Variants in AFF2 observed in about 807,000 individuals in gnomAD.
AFF2 encodes ALF transcription elongation factor 2.
In AFF2, 14 loss-of-function variants were observed where a neutral mutation model predicts 76.9. The ratio of observed to expected loss-of-function variants is 0.18; its 90% CI spans 0.12 to 0.28. The LOEUF (loss-of-function observed/expected upper bound fraction) is 0.28, where lower values mean the gene tolerates loss of function less well. Among genes scored for constraint, AFF2 ranks in the 10% least tolerant of loss-of-function variants. AFF2 has a pLI of 1.00. For missense variants in AFF2, 868 were observed against 1,001.1 expected (o/e 0.87, Z 1.79); for synonymous variants, 398 against 366.7 (o/e 1.09, Z -0.98).
intron 1 of AFF2, among the ~76,000 whole-genome samples, chrX:148,605,932 G>A (rs910290452): frequency 7.1e-5 from 8 of 112,007 alleles, no homozygotes; most frequent in Admixed American, 6.6e-4. Context: ...TATTTGAGGA[G>A]AAACAGGGTG....
Position 148,917,635 on chromosome X carries a change from G to T in AFF2, c.1397+13377G>T, listed in dbSNP as rs144008594. Among the ~76,000 whole-genome samples, 325 of 112,096 alleles carry T rather than the reference G, an allele frequency of 2.9e-3. 3 individuals carry two copies. The highest frequency in any genetic ancestry group is 9.7e-3 in the African/African-American group (299 of 30,873). ...AAGCATTCAGCAGCTTTTCCCATTG[G>T]CCAGTAGTTGGAGAAGTTGGATGGC... On this transcript the variant is annotated intron_variant, in intron 9 of 20. Transcript: ENST00000370460.
intron 1 of AFF2, among the ~76,000 whole-genome samples, chrX:148,535,225 A>C (rs1467435797): frequency 1.8e-5 from 2 of 112,182 alleles, no homozygotes; most frequent in East Asian, 5.6e-4. Context: ...TATTATGATT[A>C]TTAAAAATTA....
intron 3 of AFF2, among the ~76,000 whole-genome samples, chrX:148,679,647 AT>A (rs1557259774): frequency 2.7e-5 from 3 of 111,881 alleles, no homozygotes; most frequent in African/African-American, 9.7e-5. Context: ...ATCTTGAGAA[AT>A]GGAAGGCCAC....
chrX:148,773,860 A>C (rs1476751195), intron 3 of AFF2, among the ~76,000 whole-genome samples: 1 of 111,301 alleles, frequency 9.0e-6, no homozygotes, highest in Non-Finnish European at 1.9e-5. Flanking sequence ...AATGTGCAGG[A>C]AACTGGGTCT....
intron 3 of AFF2, among the ~76,000 whole-genome samples, chrX:148,693,310 G>C (rs1258933505): frequency 9.0e-6 from 1 of 111,382 alleles, no homozygotes; most frequent in Non-Finnish European, 1.9e-5. Context: ...AGCTTTCTTA[G>C]GGTAAGGGAA....
chrX:148,892,025 G>C (rs2071229589), intron 8 of AFF2, among the ~76,000 whole-genome samples: 1 of 111,766 alleles, frequency 8.9e-6, no homozygotes, highest in Non-Finnish European at 1.9e-5. Context: ...GTATGCTAGT[G>C]CTTTAAAAAC....
At chrX:148,729,768 G>T (rs2055200299) in intron 3 of AFF2, among the ~76,000 whole-genome samples, 1 of 111,988 alleles carries the variant, frequency 8.9e-6, no homozygotes, top group Admixed American at 9.5e-5. Context: ...TCGGGGAGTT[G>T]GGAAGGAGGC....
At chrX:148,982,650 A>T (rs2072409674) in intron 19 of AFF2, among the ~76,000 whole-genome samples, 1 of 111,844 alleles carries the variant, frequency 8.9e-6, no homozygotes, top group Non-Finnish European at 1.9e-5. Context: ...AGCTGCCCAG[A>T]GGTGGTTAAG....
chrX:148,930,593 C>G (rs2071700444), intron 9 of AFF2, among the ~76,000 whole-genome samples: 1 of 112,608 alleles, frequency 8.9e-6, no homozygotes, highest in African/African-American at 3.2e-5. Context: ...TCCAAATGCT[C>G]TGTTCTCCAT....
chrX:148,986,538 T>C (rs1411684438), intron 19 of AFF2, among the ~76,000 whole-genome samples: 1 of 113,069 alleles, frequency 8.8e-6, no homozygotes, highest in Non-Finnish European at 1.9e-5. Flanking sequence ...CTTCTTTTTA[T>C]AAATCAGCAT....
At chrX:148,711,419 A>G (rs2054966494) in intron 3 of AFF2, among the ~76,000 whole-genome samples, 1 of 112,100 alleles carries the variant, frequency 8.9e-6, no homozygotes, top group African/African-American at 3.2e-5. Context: ...GGGGAATCGT[A>G]TTTGATGTTA....
intron 7 of AFF2, among the ~76,000 whole-genome samples, 161 bp from the exon 8 acceptor site, chrX:148,885,728 A>T (rs2071150466): frequency 8.9e-6 from 1 of 112,030 alleles, no homozygotes; most frequent in African/African-American, 3.2e-5. Context: ...AAGAGCTCAA[A>T]TATCTAATTA....
chrX:148,934,106 G>T (rs782356880), intron 9 of AFF2, among the ~76,000 whole-genome samples: 1 of 112,703 alleles, frequency 8.9e-6, no homozygotes, highest in Admixed American at 9.4e-5. Flanking sequence ...ACATCAAGTT[G>T]TCACATATTT....
chrX:148,578,565 C>G (rs2124340480), intron 1 of AFF2, among the ~76,000 whole-genome samples: 1 of 111,840 alleles, frequency 8.9e-6, no homozygotes, highest in Admixed American at 9.5e-5. Context: ...ATCCTCAGAC[C>G]TTTGTACATT....
chrX:148,539,896 C>T lies in AFF2; in HGVS notation c.47+38752C>T, dbSNP rs782299118. 3.6e-5 allele frequency among the ~76,000 whole-genome samples: 4 copies of T among 111,182 alleles called. No homozygotes were observed. The South Asian group carries it at 1.5e-3, about 42-fold the overall frequency. On this transcript the variant is annotated intron_variant, in intron 1 of 20. Transcript: ENST00000370460. ...CCCTCACAATTACAAAGAGGAGTGC[C>T]ATTAGATTCCCATTAATTAAGGGTA...
chrX:148,621,149 C>A (rs1429841536), intron 1 of AFF2, among the ~76,000 whole-genome samples: 1 of 111,761 alleles, frequency 8.9e-6, no homozygotes, highest in Non-Finnish European at 1.9e-5. Context: ...TTTCCTGAAT[C>A]ATGGGATCTG....
chrX:148,838,215 T>G (rs1202189954), intron 5 of AFF2, among the ~76,000 whole-genome samples: 1 of 112,468 alleles, frequency 8.9e-6, no homozygotes, highest in Admixed American at 9.4e-5. Context: ...TAATATTATT[T>G]TTATTTACCT....
At chrX:148,908,531 C>T (rs1464171989) in intron 9 of AFF2, among the ~76,000 whole-genome samples, 2 of 112,090 alleles carry the variant, frequency 1.8e-5, no homozygotes, top group Non-Finnish European at 3.8e-5. Flanking sequence ...TAAAAATGTT[C>T]CTCCATTGCT....
At chrX:148,965,619 C>T (rs148962645) in intron 13 of AFF2, among the ~76,000 whole-genome samples, 46 of 111,573 alleles carry the variant, frequency 4.1e-4, no homozygotes, top group South Asian at 2.7e-3. Flanking sequence ...AACAGAAAGA[C>T]GAAACTGGTT....
Sources: gnomAD v4.1 joint callset for allele counts (sites outside exome capture counted in the v4.1 genomes callset) on GRCh38, gnomAD v4.1.1 for gene constraint, MANE v1.5 for transcripts, NCBI Gene and HGNC (gene_info 2026-07-23, HGNC 2026-07-21) for gene names.